Variants in NLGN1 observed in about 807,000 individuals in gnomAD.
The protein encoded by NLGN1 is neuroligin 1, also known as neuroligin-1.
Under a neutral mutation model 65.5 loss-of-function variants are expected in NLGN1, and 12 were observed. The ratio of observed to expected loss-of-function variants is 0.18; its 90% CI spans 0.12 to 0.30. NLGN1 has a LOEUF of 0.30. NLGN1 is among the 10% of genes least tolerant of loss of function. The pLI, the probability that NLGN1 is intolerant of heterozygous loss-of-function variation, is 1.00. For missense variants in NLGN1, 750 were observed against 1,007.1 expected, an observed-to-expected ratio of 0.74 and a Z score of 3.46; for synonymous variants, 350 against 359.5, an observed-to-expected ratio of 0.97 and a Z score of 0.30.
intron 5 of NLGN1, 142 bp from the exon 6 acceptor site, chr3:174,278,719 T>C: frequency 3.1e-6 from 2 of 637,588 alleles, no homozygotes; most frequent in Non-Finnish European, 4.8e-6. Context: ...TTTGTGTACT[T>C]CCCTTAAGAA....
At chr3:173,979,875 T>A (rs1179316169) in intron 4 of NLGN1, among the ~76,000 whole-genome samples, 7 of 152,078 alleles carry the variant, frequency 4.6e-5, no homozygotes, top group African/African-American at 7.2e-5. Flanking sequence ...ATAAGAATAC[T>A]CAACATGTTC....
At chr3:173,571,263 CTTGATTTT>C (rs764920782) in intron 2 of NLGN1, among the ~76,000 whole-genome samples, 10 of 152,130 alleles carry the variant, frequency 6.6e-5, no homozygotes, top group Non-Finnish European at 1.5e-4. Context: ...CCCTTCTTGT[CTTGATTTT>C]TTTCCAAAAC....
chr3:174,198,844 C>CTTTTTTTTTTTTTTTTT (rs56752477), intron 4 of NLGN1, among the ~76,000 whole-genome samples: 1 of 99,862 alleles, frequency 1.0e-5, no homozygotes, highest in Non-Finnish European at 1.9e-5. Flanking sequence ...TGACTAGATT[C>CTTTTTTTTTTTTTTTTT]TTTTTTTTTT....
chr3:174,188,284 T>G (rs1731788338), intron 4 of NLGN1, among the ~76,000 whole-genome samples: 1 of 152,014 alleles, frequency 6.6e-6, no homozygotes, highest in Admixed American at 6.6e-5. Context: ...TGTGATATGT[T>G]TGAATTTGAG....
chr3:174,082,368 T>C lies in NLGN1; in HGVS notation c.647-192947T>C, dbSNP rs552679935. Among the ~76,000 whole-genome samples, 17 of 152,162 alleles carry C rather than the reference T, an allele frequency of 1.1e-4. 1 individual carries two copies. Among genetic ancestry groups the C allele is most frequent in the Admixed American group, 5.2e-4 (8 of 15,288 alleles). The stretch of plus-strand genomic sequence containing the variant: ...GTGAAAAGTCAATTAAAAAAACAAA[T>C]AATAATTTAAATAGGGAGGGTAGAT... On this transcript the variant is annotated intron_variant, in intron 4 of 6. Coordinates refer to ENST00000457714, the Ensembl canonical transcript of NLGN1.
rs187310035 is a variant in NLGN1, at chr3:173,572,465, A to G, written c.-320-31814A>G. Reference sequence around the variant, plus strand: ...GCCAGTGAGGCTGGCACAGCCATGCAGCCATGAACCAATCTGAGTCCATGC... The same window carrying G: ...GCCAGTGAGGCTGGCACAGCCATGCGGCCATGAACCAATCTGAGTCCATGC... On this transcript the variant is annotated intron_variant, in intron 2 of 6. Coordinates refer to ENST00000457714, the Ensembl canonical transcript of NLGN1. Among the ~76,000 whole-genome samples, 32 of 152,388 alleles carry G rather than the reference A, an allele frequency of 2.1e-4. 1 individual carries two copies. Among genetic ancestry groups the G allele is most frequent in the Non-Finnish European group, 4.3e-4 (29 of 68,034 alleles).
At chr3:173,757,963 C>A (rs913437416) in intron 3 of NLGN1, among the ~76,000 whole-genome samples, 1 of 151,828 alleles carries the variant, frequency 6.6e-6, no homozygotes, top group African/African-American at 2.4e-5. Flanking sequence ...GAATTGTGTC[C>A]CCTCCCCAAA....
In NLGN1 at chr3:173,748,022, A is replaced by G. The variant is rs184973168; in HGVS notation, c.494-59658A>G. Among the ~76,000 whole-genome samples, 14 of 151,534 alleles carry G rather than the reference A, an allele frequency of 9.2e-5. No individual in the cohort carries two copies. In the East Asian group the frequency reaches 2.7e-3, roughly 30 times the overall value. On this transcript the variant is annotated intron_variant, in intron 3 of 6. Transcript: ENST00000457714. ...ACCATGTTGACCAGGCTGGTCTCAA[A>G]TTCCTGACCTTAAGTGATCTGCCCA...
intron 4 of NLGN1, among the ~76,000 whole-genome samples, chr3:173,908,010 A>T (rs1738809473): frequency 6.6e-6 from 1 of 152,166 alleles, no homozygotes; most frequent in Non-Finnish European, 1.5e-5. Context: ...GTGAGCCACC[A>T]CGCCCAGCAG....
chr3:174,241,045 TA>T (rs1742705145), intron 4 of NLGN1, among the ~76,000 whole-genome samples: 3 of 152,162 alleles, frequency 2.0e-5, no homozygotes, highest in Non-Finnish European at 2.9e-5. Context: ...TCACTTAAAA[TA>T]ACAGGTGCCA....
At chr3:173,495,831 G>A (rs2149033005) in intron 2 of NLGN1, among the ~76,000 whole-genome samples, 1 of 151,580 alleles carries the variant, frequency 6.6e-6, no homozygotes, top group South Asian at 2.1e-4. Flanking sequence ...CCCTATCCCA[G>A]TCTCTGCTTC....
chr3:173,961,448 G>A (rs1713545805), intron 4 of NLGN1, among the ~76,000 whole-genome samples: 1 of 152,086 alleles, frequency 6.6e-6, no homozygotes, highest in South Asian at 2.1e-4. Context: ...GATGATTTAA[G>A]AGTGCTGTGA....
At chr3:174,293,277 C>T in the NLGN1 span, among the ~76,000 whole-genome samples, 2 of 151,082 alleles carry the variant, frequency 1.3e-5, no homozygotes, top group South Asian at 2.1e-4. Flanking sequence ...TTTACCTGAG[C>T]CTTTTCCTTA....
chr3:174,186,782 G>A (rs896740003), intron 4 of NLGN1, among the ~76,000 whole-genome samples: 2 of 151,986 alleles, frequency 1.3e-5, no homozygotes, highest in Non-Finnish European at 2.9e-5. Flanking sequence ...TGTGTTCTAA[G>A]TGCTTTAAAG....
At chr3:174,117,469 A>G (rs1491000612) in intron 4 of NLGN1, among the ~76,000 whole-genome samples, 1 of 152,042 alleles carries the variant, frequency 6.6e-6, no homozygotes, top group Non-Finnish European at 1.5e-5. Context: ...TACAAAAAAA[A>G]AATTAGCCAG....
intron 4 of NLGN1, among the ~76,000 whole-genome samples, chr3:173,888,493 G>A (rs1042174289): frequency 2.4e-4 from 36 of 151,766 alleles, no homozygotes; most frequent in Non-Finnish European, 3.2e-4. Context: ...TTGGCCATTG[G>A]TTGAATTGTG....
intron 4 of NLGN1, among the ~76,000 whole-genome samples, chr3:174,244,851 A>C (rs1743509969): frequency 6.6e-6 from 1 of 152,214 alleles, no homozygotes; most frequent in African/African-American, 2.4e-5. Flanking sequence ...CTAATCTGTG[A>C]GTATAAATTA....
At chr3:174,087,689 G>A (rs73186516) in intron 4 of NLGN1, among the ~76,000 whole-genome samples, 1 of 151,780 alleles carries the variant, frequency 6.6e-6, no homozygotes, top group Non-Finnish European at 1.5e-5. Context: ...CTATACCTGT[G>A]GTCACTACAA....
At chr3:174,233,225 G>T (rs1467455049) in intron 4 of NLGN1, among the ~76,000 whole-genome samples, 1 of 152,074 alleles carries the variant, frequency 6.6e-6, no homozygotes, top group Non-Finnish European at 1.5e-5. Context: ...ACTCACGCCA[G>T]TATCCCAGCA....
Sources: allele counts gnomAD v4.1 joint callset (sites outside exome capture counted in the v4.1 genomes callset), GRCh38; gene constraint gnomAD v4.1.1; transcripts MANE v1.5; gene names NCBI Gene and HGNC (gene_info 2026-07-23, HGNC 2026-07-21).